Variants in LRRC4C observed in about 807,000 individuals in gnomAD.
LRRC4C encodes leucine rich repeat containing 4C.
In LRRC4C, 5 loss-of-function variants were observed where a neutral mutation model predicts 33.6. The observed-to-expected ratio is 0.15, with a 90% CI of 0.08 to 0.31. The LOEUF (loss-of-function observed/expected upper bound fraction) is 0.31, where lower values mean the gene tolerates loss of function less well. Among genes scored for constraint, LRRC4C ranks in the 10% least tolerant of loss-of-function variants. The probability of loss-of-function intolerance (pLI) is 1.00; values close to 1 mark genes in which losing one functional copy is unlikely to be tolerated. For synonymous variants in LRRC4C, 329 were observed against 302.0 expected (o/e 1.09, Z -0.93); for missense variants, 560 against 796.7 (o/e 0.70, Z 3.58).
chr11:41,231,326 T>C (rs573350705), intron 1 of LRRC4C, among the ~76,000 whole-genome samples: 9 of 152,228 alleles, frequency 5.9e-5, no homozygotes, highest in Middle Eastern at 6.8e-3. Context: ...CGTATGTTTA[T>C]TGAGGCACTA....
intron 2 of LRRC4C, among the ~76,000 whole-genome samples, chr11:40,732,070 C>T (rs1268696820): frequency 2.0e-5 from 3 of 148,428 alleles, no homozygotes; most frequent in Non-Finnish European, 4.5e-5. Context: ...AAAAAAAAAA[C>T]AAAGTTTAAA....
At chr11:41,403,832 C>T (rs1954116053) in intron 1 of LRRC4C, among the ~76,000 whole-genome samples, 1 of 152,076 alleles carries the variant, frequency 6.6e-6, no homozygotes, top group South Asian at 2.1e-4. Context: ...GCTCAGTTCA[C>T]ATTCAATAGA....
At chr11:40,118,302 T>C (rs1374564737) in intron 6 of LRRC4C, among the ~76,000 whole-genome samples, 2 of 151,230 alleles carry the variant, frequency 1.3e-5, no homozygotes, top group Non-Finnish European at 2.9e-5. Context: ...ATTTATTGAG[T>C]TCTGACAATG....
At chr11:40,972,252 T>G (rs888904615) in intron 1 of LRRC4C, among the ~76,000 whole-genome samples, 1 of 151,674 alleles carries the variant, frequency 6.6e-6, no homozygotes, top group African/African-American at 2.4e-5. Flanking sequence ...TTCTCATACC[T>G]CAGTCCCTTC....
chr11:41,283,273 G>T (rs1949725143), intron 1 of LRRC4C, among the ~76,000 whole-genome samples: 1 of 152,180 alleles, frequency 6.6e-6, no homozygotes, highest in African/African-American at 2.4e-5. Context: ...AAAAGTAAAA[G>T]ATTCATGTAC....
intron 3 of LRRC4C, among the ~76,000 whole-genome samples, chr11:40,502,610 G>A (rs1011734918): frequency 1.3e-5 from 2 of 152,076 alleles, no homozygotes; most frequent in Non-Finnish European, 2.9e-5. Context: ...TGACCCCTAC[G>A]ATTCAATTAT....
At chr11:40,210,711 G>A (rs1404333646) in intron 5 of LRRC4C, among the ~76,000 whole-genome samples, 1 of 152,124 alleles carries the variant, frequency 6.6e-6, no homozygotes, top group African/African-American at 2.4e-5. Context: ...TTCCTTGAGA[G>A]CATTTGTATT....
chr11:41,103,497 T>G (rs893771852), intron 1 of LRRC4C, among the ~76,000 whole-genome samples: 1 of 151,926 alleles, frequency 6.6e-6, no homozygotes, highest in Non-Finnish European at 1.5e-5. Flanking sequence ...TATTACATCT[T>G]CAACAAACAT....
At chr11:41,128,841 C>A (rs73477417) in intron 1 of LRRC4C, among the ~76,000 whole-genome samples, 6,975 of 151,956 alleles carry the variant, frequency 0.046, 252 homozygotes, top group African/African-American at 0.093. Context: ...AAAGTTACAT[C>A]CTGTGAGGAT....
At chr11:40,959,511 A>G (rs1959104990) in intron 1 of LRRC4C, among the ~76,000 whole-genome samples, 3 of 151,840 alleles carry the variant, frequency 2.0e-5, no homozygotes, top group African/African-American at 7.2e-5. Flanking sequence ...AAATGTTAAC[A>G]TGATGGAAAC....
intron 3 of LRRC4C, among the ~76,000 whole-genome samples, chr11:40,472,134 G>A (rs1047590598): frequency 1.3e-5 from 2 of 151,678 alleles, no homozygotes; most frequent in African/African-American, 2.4e-5. Context: ...CAAAAAATTA[G>A]CTGGTCGTGG....
At chr11:40,939,429 A>T (rs985351835) in intron 1 of LRRC4C, among the ~76,000 whole-genome samples, 1 of 152,092 alleles carries the variant, frequency 6.6e-6, no homozygotes, top group Non-Finnish European at 1.5e-5. Flanking sequence ...ATTCTTAAAT[A>T]CTCATTTTTT....
chr11:40,531,060 A>G (rs1204753322), intron 3 of LRRC4C, among the ~76,000 whole-genome samples: 1 of 152,116 alleles, frequency 6.6e-6, no homozygotes, highest in Non-Finnish European at 1.5e-5. Flanking sequence ...TCATCAGTAA[A>G]TGTCAGTGGG....
At chr11:40,554,873 T>C (rs2135468199) in intron 3 of LRRC4C, among the ~76,000 whole-genome samples, 2 of 148,366 alleles carry the variant, frequency 1.3e-5, no homozygotes, top group African/African-American at 5.1e-5. Context: ...AGACGCCCGC[T>C]ACCACGCCCG....
intron 2 of LRRC4C, among the ~76,000 whole-genome samples, chr11:40,931,564 T>G (rs1957624416): frequency 6.6e-6 from 1 of 152,094 alleles, no homozygotes; most frequent in African/African-American, 2.4e-5. Flanking sequence ...ATGCATATAT[T>G]TGTTTATCAT....
At chr11:40,811,265 A>G (rs1361045330) in intron 2 of LRRC4C, among the ~76,000 whole-genome samples, 1 of 152,126 alleles carries the variant, frequency 6.6e-6, no homozygotes, top group Non-Finnish European at 1.5e-5. Context: ...AATCACTATT[A>G]TAATTTCTTA....
At chr11:40,389,603 G>T (rs907288240) in intron 3 of LRRC4C, among the ~76,000 whole-genome samples, 5 of 152,124 alleles carry the variant, frequency 3.3e-5, no homozygotes, top group African/African-American at 4.8e-5. Context: ...TTAATTCCAA[G>T]TGGAGTAACA....
intron 3 of LRRC4C, among the ~76,000 whole-genome samples, chr11:40,630,146 T>A (rs969774582): frequency 6.6e-6 from 1 of 152,134 alleles, no homozygotes; most frequent in African/African-American, 2.4e-5. Context: ...TTATTATGAA[T>A]GTTCCTATAC....
intron 2 of LRRC4C, among the ~76,000 whole-genome samples, chr11:40,696,356 G>A (rs1204817124): frequency 7.2e-6 from 1 of 138,168 alleles, no homozygotes; most frequent in South Asian, 2.3e-4. Flanking sequence ...TATATATGTG[G>A]TATATATATG....
Sources: allele counts gnomAD v4.1 joint callset (sites outside exome capture counted in the v4.1 genomes callset), GRCh38; gene constraint gnomAD v4.1.1; transcripts MANE v1.5; gene names NCBI Gene and HGNC (gene_info 2026-07-23, HGNC 2026-07-21).